The following ATG5 variants were observed in gnomAD, a reference collection of about 807,000 sequenced individuals.
The protein encoded by ATG5 is autophagy related 5, also known as autophagy protein 5.
In ATG5, 14 loss-of-function variants were observed where a neutral mutation model predicts 36.5. That is an observed-to-expected ratio of 0.38 (90% CI 0.25 to 0.60). The LOEUF (loss-of-function observed/expected upper bound fraction) is 0.60. ATG5 is among the 20% of genes least tolerant of loss of function. ATG5 has a pLI of 0.60. For synonymous variants in ATG5, 95 were observed against 101.5 expected (o/e 0.94, Z 0.38); for missense variants, 195 against 326.7 (o/e 0.60, Z 3.11).
rs369933147 is a variant in ATG5, at chr6:106,279,827, T to C, written c.316-4A>G. 5 of 1,480,924 alleles carry C rather than the reference T, an allele frequency of 3.4e-6. No homozygotes were observed. Among genetic ancestry groups the C allele is most frequent in the East Asian group, 4.7e-5 (2 of 42,134 alleles). 91.7% of individuals were successfully genotyped at this position (1,480,924 alleles called of 1,614,324 possible). On this transcript the variant is annotated splice_polypyrimidine_tract_variant and splice_region_variant and intron_variant, in intron 4 of 7. Coordinates refer to ENST00000369076, the MANE Select transcript of ATG5 (RefSeq NM_004849.4). ...GAAGGTCTTTTTCTGGAAAACTCTA[T>C]CAAAGGAAAAAATATACATATAAAA...
chr6:106,221,699 A>AG (rs1444112231), intron 6 of ATG5, among the ~76,000 whole-genome samples: 1 of 143,674 alleles, frequency 7.0e-6, no homozygotes, highest in African/African-American at 2.6e-5. Flanking sequence ...AAAAAAAAAA[A>AG]AAAGAAAGAA....
intron 3 of ATG5, among the ~76,000 whole-genome samples, chr6:106,294,162 C>T (rs1239705463): frequency 6.6e-6 from 1 of 151,806 alleles, no homozygotes; most frequent in East Asian, 1.9e-4. Context: ...CCTGTACTCA[C>T]AACAAGGGCA....
At chr6:106,311,657 T>C (rs1445233621) in intron 2 of ATG5, among the ~76,000 whole-genome samples, 2 of 152,076 alleles carry the variant, frequency 1.3e-5, no homozygotes, top group African/African-American at 2.4e-5. Context: ...TCGAGAACCT[T>C]GTAAACTAAA....
intron 5 of ATG5, among the ~76,000 whole-genome samples, chr6:106,261,241 T>C (rs1779007204): frequency 6.6e-6 from 1 of 152,260 alleles, no homozygotes; most frequent in African/African-American, 2.4e-5. Flanking sequence ...AGCATACTAT[T>C]GATTCATTTG....
At chr6:106,250,900 T>A (rs1474795699) in intron 5 of ATG5, among the ~76,000 whole-genome samples, 2 of 152,200 alleles carry the variant, frequency 1.3e-5, no homozygotes, top group Admixed American at 6.5e-5. Context: ...CCTTTAAGCA[T>A]CTCTACTGCA....
chr6:106,217,817 T>C (rs1225888521), intron 6 of ATG5, among the ~76,000 whole-genome samples: 1 of 152,168 alleles, frequency 6.6e-6, no homozygotes, highest in Non-Finnish European at 1.5e-5. Context: ...TGGAATACAA[T>C]ATCTGAAGAG....
At chr6:106,250,341 T>G (rs555702395) in intron 5 of ATG5, among the ~76,000 whole-genome samples, 8 of 152,304 alleles carry the variant, frequency 5.3e-5, no homozygotes, top group African/African-American at 1.9e-4. Context: ...AACTCCAATG[T>G]GAAGGAAGAC....
chr6:106,256,524 C>T (rs1429066047), intron 5 of ATG5, among the ~76,000 whole-genome samples: 3 of 152,118 alleles, frequency 2.0e-5, no homozygotes, highest in African/African-American at 4.8e-5. Flanking sequence ...CTTCATTTAA[C>T]GATGAGGATA....
intron 5 of ATG5, among the ~76,000 whole-genome samples, chr6:106,273,972 G>A (rs977201520): frequency 1.3e-5 from 2 of 152,074 alleles, no homozygotes; most frequent in Non-Finnish European, 2.9e-5. Flanking sequence ...AATAATTATT[G>A]TCTCTAAAAT....
At chr6:106,207,029 C>T (rs910944897) in intron 6 of ATG5, among the ~76,000 whole-genome samples, 3 of 152,206 alleles carry the variant, frequency 2.0e-5, no homozygotes, top group Non-Finnish European at 4.4e-5. Flanking sequence ...AATACCTGAT[C>T]TTGCCACATA....
In ATG5 at chr6:106,248,276, A is replaced by G. The variant is rs370408715; in HGVS notation, c.479-32T>C. ...TGATATAAATTATTTGTTATTAAAA[A>G]TGAACAACATTATAATGGAATACCT... is the stretch of plus-strand genomic sequence containing the variant. On this transcript the variant is annotated intron_variant, in intron 5 of 7. Transcript: ENST00000369076. 2.0e-6 allele frequency: 3 copies of G among 1,482,894 alleles called. No individual in the cohort carries two copies. In the African/African-American group the frequency reaches 4.2e-5, roughly 21 times the overall value. The allele number at this position is 1,482,894 out of a possible 1,614,324, so 91.9% of individuals were successfully genotyped here. A position where few individuals can be genotyped will look rare whatever the true frequency, so the allele number is the denominator to read the frequency against.
chr6:106,324,140 T>C (rs1771205218), intron 1 of ATG5, among the ~76,000 whole-genome samples: 1 of 152,126 alleles, frequency 6.6e-6, no homozygotes, highest in Non-Finnish European at 1.5e-5. Context: ...TTCCTACCCA[T>C]GGGTTCTTCG....
intron 1 of ATG5, among the ~76,000 whole-genome samples, chr6:106,322,692 T>C (rs1186079129): frequency 2.6e-5 from 4 of 152,204 alleles, no homozygotes; most frequent in Non-Finnish European, 5.9e-5. Flanking sequence ...ACTGTAAATG[T>C]TGAAATGCCC....
chr6:106,203,382 C>T (rs1418461660), intron 6 of ATG5, among the ~76,000 whole-genome samples: 1 of 152,166 alleles, frequency 6.6e-6, no homozygotes, highest in African/African-American at 2.4e-5. Flanking sequence ...TTTCCTTTAT[C>T]TGTTAATTTG....
chr6:106,295,396 T>C lies in ATG5; in HGVS notation c.237-2290A>G, dbSNP rs376815930. On this transcript the variant is annotated intron_variant, in intron 3 of 7. Transcript: ENST00000369076. The stretch of plus-strand genomic sequence containing the variant: ...ACACAAAGAACTCCGCTAGGCAAAA[T>C]AGTCTAATCTATTAGATAAGATTCA... Among the ~76,000 whole-genome samples the C allele has an allele frequency of 2.2e-3, 336 of 152,220 alleles. 3 individuals carry two copies. Among genetic ancestry groups the C allele is most frequent in the African/African-American group, 7.2e-3 (299 of 41,522 alleles).
At chr6:106,306,734 C>G (rs1770461273) in intron 3 of ATG5, among the ~76,000 whole-genome samples, 1 of 152,192 alleles carries the variant, frequency 6.6e-6, no homozygotes, top group Non-Finnish European at 1.5e-5. Context: ...CCCATTGCTA[C>G]TCTCCCACAC....
chr6:106,221,756 CTATATCTACT>C (rs1777263065), intron 6 of ATG5, among the ~76,000 whole-genome samples: 1 of 150,652 alleles, frequency 6.6e-6, no homozygotes, highest in Non-Finnish European at 1.5e-5. Flanking sequence ...CTTATGTTTA[CTATATCTACT>C]TATATTCCCA....
intron 6 of ATG5, among the ~76,000 whole-genome samples, chr6:106,228,214 T>C (rs1480769568): frequency 6.6e-6 from 1 of 152,322 alleles, no homozygotes; most frequent in African/African-American, 2.4e-5. Context: ...TGCACTCTTC[T>C]GGTCCGTGTT....
intron 6 of ATG5, among the ~76,000 whole-genome samples, chr6:106,245,222 C>CTAGG (rs1778280878): frequency 6.6e-6 from 1 of 152,102 alleles, no homozygotes; most frequent in Non-Finnish European, 1.5e-5. Context: ...GGTCACCTGA[C>CTAGG]TATAGTCATT....
Sources: allele counts gnomAD v4.1 joint callset (sites outside exome capture counted in the v4.1 genomes callset), GRCh38; gene constraint gnomAD v4.1.1; transcripts MANE v1.5; gene names NCBI Gene and HGNC (gene_info 2026-07-23, HGNC 2026-07-21).